Variants in CYP2C19 observed in about 807,000 individuals in gnomAD.
CYP2C19 encodes the protein cytochrome P450 family 2 subfamily C member 19.
A neutral mutation model predicts 40.9 loss-of-function variants in CYP2C19; 59 were observed. That is an observed-to-expected ratio of 1.44 (90% confidence interval 1.17 to 1.79). CYP2C19 has a LOEUF of 1.79. CYP2C19 is among the 40% of genes most tolerant of loss of function. The pLI, the probability that CYP2C19 is intolerant of heterozygous loss-of-function variation, is 0.00. For synonymous variants in CYP2C19, 253 were observed against 208.7 expected, an observed-to-expected ratio of 1.21 and a Z score of -1.83; for missense variants, 754 against 596.9, an observed-to-expected ratio of 1.26 and a Z score of -2.74.
chr10:94,818,162 C>T (rs1299673726), intron 5 of CYP2C19, among the ~76,000 whole-genome samples: 1 of 147,848 alleles, frequency 6.8e-6, no homozygotes, highest in Non-Finnish European at 1.5e-5. Flanking sequence ...TTCCCCATTG[C>T]TTGTTTTTCT....
intron 7 of CYP2C19, among the ~76,000 whole-genome samples, chr10:94,845,547 CAGCACA>C: frequency 6.6e-6 from 1 of 152,124 alleles, no homozygotes; most frequent in East Asian, 1.9e-4. Flanking sequence ...GAATATTTGT[CAGCACA>C]AGATTCCAAA....
At chr10:94,792,056 G>A (rs1483138906) in intron 5 of CYP2C19, among the ~76,000 whole-genome samples, 5 of 152,184 alleles carry the variant, frequency 3.3e-5, no homozygotes, top group African/African-American at 1.2e-4. Context: ...CCTGTATTGG[G>A]TGCATATATA....
rs138313013 is a variant in CYP2C19, at chr10:94,835,299, C to T, written c.962-7538C>T. ...TAATAATTTGGCCATCTGATGGGTG[C>T]TATCAATACCTAAGTGAAAGGTTTG... is the stretch of plus-strand genomic sequence containing the variant. On this transcript the variant is annotated intron_variant, in intron 6 of 8. Transcript: ENST00000371321. Among the ~76,000 whole-genome samples, 1,005 of 152,304 alleles carry T rather than the reference C, an allele frequency of 6.6e-3. 6 individuals are homozygous for T. The highest frequency in any genetic ancestry group is 0.015 in the African/African-American group (632 of 41,560).
chr10:94,812,875 A>G (rs1848946898), intron 5 of CYP2C19, among the ~76,000 whole-genome samples: 2 of 151,894 alleles, frequency 1.3e-5, no homozygotes, highest in South Asian at 4.1e-4. Context: ...AATTCATCAA[A>G]TTCTTTCTCT....
intron 1 of CYP2C19, among the ~76,000 whole-genome samples, chr10:94,764,696 A>T (rs1047632806): frequency 1.3e-5 from 2 of 152,148 alleles, no homozygotes; most frequent in African/African-American, 4.8e-5. Flanking sequence ...GTGTCCTTGG[A>T]AGGAGTTGTT....
intron 8 of CYP2C19, among the ~76,000 whole-genome samples, chr10:94,852,456 G>T (rs1440726059): frequency 6.6e-6 from 1 of 152,130 alleles, no homozygotes; most frequent in Non-Finnish European, 1.5e-5. Context: ...ATAAACATTT[G>T]TTGAATACAT....
intron 5 of CYP2C19, among the ~76,000 whole-genome samples, chr10:94,786,193 T>C (rs1303875543): frequency 3.3e-5 from 5 of 152,126 alleles, no homozygotes; most frequent in African/African-American, 9.7e-5. Flanking sequence ...CCTGAGGGTA[T>C]ATATCCCAGG....
intron 3 of CYP2C19, among the ~76,000 whole-genome samples, chr10:94,779,876 G>A (rs1848460141): frequency 6.6e-6 from 1 of 151,898 alleles, no homozygotes; most frequent in African/African-American, 2.4e-5. Flanking sequence ...ACTTTTCCTT[G>A]TTTGCCTTAT....
intron 5 of CYP2C19, among the ~76,000 whole-genome samples, chr10:94,789,879 A>G (rs1169130767): frequency 6.6e-6 from 1 of 152,152 alleles, no homozygotes; most frequent in East Asian, 1.9e-4. Context: ...AATTCTGTGA[A>G]GAAACTCAAT....
chr10:94,854,200 G>T lies in CYP2C19; in HGVS notation c.*1286G>T, dbSNP rs890475340. On this transcript the variant is annotated 3_prime_UTR_variant, in exon 9 of 9. Transcript: ENST00000371321. ...CACCAGGCTAATTTTTGTATTTTTA[G>T]TAGAGACAGGGTTTCACTATGTGGG... Among the ~76,000 whole-genome samples, 7 of 151,720 alleles carry T rather than the reference G, an allele frequency of 4.6e-5. No individual in the cohort carries two copies. Among genetic ancestry groups the T allele is most frequent in the African/African-American group, 1.7e-4 (7 of 41,282 alleles).
At position 94,831,012 on chromosome 10, in the gene CYP2C19, T is replaced by C. The variant is rs1003105020; in HGVS notation, c.961+10375T>C. On this transcript the variant is annotated intron_variant, in intron 6 of 8. Coordinates refer to ENST00000371321, the MANE Select transcript of CYP2C19 (RefSeq NM_000769.4). ...ATAGTAGGTCTTATTCATCCCTACT[T>C]CCCTTCTCACCCCCCACTTCCCTTT... 6.6e-5 allele frequency among the ~76,000 whole-genome samples: 10 copies of C among 152,152 alleles called. 1 individual carries two copies. Among genetic ancestry groups the C allele is most frequent in the African/African-American group, 2.4e-4 (10 of 41,434 alleles).
At chr10:94,771,450 C>T (rs1050641812) in intron 1 of CYP2C19, among the ~76,000 whole-genome samples, 1 of 152,124 alleles carries the variant, frequency 6.6e-6, no homozygotes, top group African/African-American at 2.4e-5. Flanking sequence ...TGGCTTTCCT[C>T]TTACAGAAAT....
At chr10:94,827,680 T>A (rs1026417287) in intron 6 of CYP2C19, among the ~76,000 whole-genome samples, 1 of 152,176 alleles carries the variant, frequency 6.6e-6, no homozygotes, top group African/African-American at 2.4e-5. Flanking sequence ...CTGCTTTGAT[T>A]TTAGTTATTT....
In CYP2C19 at chr10:94,852,970, G is replaced by T. The variant is rs1849678708; in HGVS notation, c.*56G>T. The T allele has an allele frequency of 7.0e-6, 11 of 1,574,944 alleles. No homozygotes were observed. The highest frequency in any genetic ancestry group is 2.7e-5 in the African/African-American group (2 of 73,742). ...CTGTCCCTGCAGCTCTCTTTCCTCT[G>T]GTCCAAATTTCACTATCTGTGATGC... On this transcript the variant is annotated 3_prime_UTR_variant, in exon 9 of 9. Coordinates refer to ENST00000371321, the MANE Select transcript of CYP2C19 (RefSeq NM_000769.4).
At chr10:94,796,279 G>C (rs1848685203) in intron 5 of CYP2C19, among the ~76,000 whole-genome samples, 2 of 152,068 alleles carry the variant, frequency 1.3e-5, no homozygotes, top group South Asian at 4.1e-4. Context: ...TCTTGTTTTT[G>C]TCAGGCTTGT....
At chr10:94,812,980 T>C (rs1298872997) in intron 5 of CYP2C19, among the ~76,000 whole-genome samples, 1 of 151,608 alleles carries the variant, frequency 6.6e-6, no homozygotes, top group East Asian at 1.9e-4. Context: ...TTGTGCTGTT[T>C]TTTTTTTCTC....
intron 5 of CYP2C19, among the ~76,000 whole-genome samples, chr10:94,809,495 T>C (rs1014578870): frequency 3.3e-5 from 5 of 152,166 alleles, no homozygotes; most frequent in Admixed American, 3.3e-4. Context: ...TCTACAATCA[T>C]GTAATCTGCA....
chr10:94,793,680 T>C (rs1176523475), intron 5 of CYP2C19, among the ~76,000 whole-genome samples: 1 of 152,150 alleles, frequency 6.6e-6, no homozygotes, highest in Non-Finnish European at 1.5e-5. Flanking sequence ...CAGCAAATAT[T>C]GCAGAACAGC....
intron 5 of CYP2C19, among the ~76,000 whole-genome samples, chr10:94,782,339 T>C (rs1848490202): frequency 6.6e-6 from 1 of 151,804 alleles, no homozygotes; most frequent in Admixed American, 6.6e-5. Context: ...CATCAAAAAG[T>C]GAGTGAAGGA....
Sources: gnomAD v4.1 joint callset for allele counts (sites outside exome capture counted in the v4.1 genomes callset) on GRCh38, gnomAD v4.1.1 for gene constraint, MANE v1.5 for transcripts, NCBI Gene and HGNC (gene_info 2026-07-23, HGNC 2026-07-21) for gene names.